Variants in DGKB observed in about 807,000 individuals in gnomAD.
The protein encoded by DGKB is diacylglycerol kinase beta.
A neutral mutation model predicts 114.3 loss-of-function variants in DGKB; 67 were observed. That is an observed-to-expected ratio of 0.59 (90% CI 0.48 to 0.72). DGKB has a LOEUF of 0.72. Ranked by LOEUF, DGKB falls within the 30% of genes least tolerant of loss-of-function variation. The pLI is 0.00. For missense variants in DGKB, 907 were observed against 975.2 expected (o/e 0.93, Z 0.93); for synonymous variants, 398 against 323.1 (o/e 1.23, Z -2.49).
chr7:14,175,738 A>G (rs918487473), intron 25 of DGKB, among the ~76,000 whole-genome samples: 2 of 152,080 alleles, frequency 1.3e-5, no homozygotes, highest in Non-Finnish European at 2.9e-5. Context: ...TTCTCTGTCT[A>G]CCTTTTCTAC....
intron 1 of DGKB, among the ~76,000 whole-genome samples, chr7:14,880,954 T>C (rs1292929373): frequency 2.0e-5 from 3 of 152,184 alleles, no homozygotes; most frequent in African/African-American, 7.2e-5. Context: ...GTCATATGTC[T>C]TTCTATTCAA....
At chr7:14,389,025 C>T (rs1395668119) in intron 21 of DGKB, among the ~76,000 whole-genome samples, 1 of 152,118 alleles carries the variant, frequency 6.6e-6, no homozygotes, top group Non-Finnish European at 1.5e-5. Flanking sequence ...CAGACCTTGC[C>T]AGCTTGAACA....
intron 23 of DGKB, among the ~76,000 whole-genome samples, chr7:14,238,069 G>C (rs1033863834): frequency 6.6e-6 from 1 of 151,972 alleles, no homozygotes; most frequent in Non-Finnish European, 1.5e-5. Flanking sequence ...GTTGGTGAAA[G>C]GAAAATTTCT....
intron 9 of DGKB, among the ~76,000 whole-genome samples, chr7:14,687,031 T>C (rs1821819993): frequency 6.6e-6 from 1 of 152,162 alleles, no homozygotes; most frequent in Admixed American, 6.5e-5. Flanking sequence ...GCTTGTTTCC[T>C]ACACATTATA....
chr7:14,195,492 CAAAT>C (rs752659146), intron 23 of DGKB, among the ~76,000 whole-genome samples: 9 of 152,114 alleles, frequency 5.9e-5, no homozygotes, highest in Non-Finnish European at 1.3e-4. Context: ...AGCAAACAAA[CAAAT>C]ATTCAGATTA....
At chr7:14,529,146 A>G (rs1791139608) in intron 20 of DGKB, among the ~76,000 whole-genome samples, 1 of 152,030 alleles carries the variant, frequency 6.6e-6, no homozygotes, top group Non-Finnish European at 1.5e-5. Context: ...ATATTTACCT[A>G]AAATATTTTA....
chr7:14,657,989 GTTCAA>G (rs1429518899), intron 13 of DGKB, among the ~76,000 whole-genome samples: 1 of 151,884 alleles, frequency 6.6e-6, no homozygotes, highest in African/African-American at 2.4e-5. Context: ...TAATGACTTA[GTTCAA>G]CACATGCTCT....
intron 1 of DGKB, among the ~76,000 whole-genome samples, chr7:14,866,872 C>T (rs946670670): frequency 1.3e-5 from 2 of 152,144 alleles, no homozygotes; most frequent in Non-Finnish European, 2.9e-5. Flanking sequence ...TCCAGTTTCT[C>T]CACATCCTTA....
chr7:14,145,465 C>CTT lies in DGKB; in HGVS notation c.*3664_*3665dup, dbSNP rs67141279. 660 of 146,672 alleles carry CTT rather than the reference C, an allele frequency of 4.5e-3. 4 individuals are homozygous for CTT. The highest frequency in any genetic ancestry group is 5.3e-3 in the Non-Finnish European group (355 of 66,748). The allele number at this position is 146,672 out of a possible 1,614,324, so 9.1% of individuals were successfully genotyped here. The stretch of plus-strand genomic sequence containing the variant: ...TACGTGCCATGAAAAGTACATTTTC[C>CTT]TTTTTTTTTTTGAGACAGAGTCTGG... On this transcript the variant is annotated 3_prime_UTR_variant, in exon 26 of 26. Transcript: ENST00000402815.
chr7:14,773,775 T>C (rs1252834210), intron 2 of DGKB, among the ~76,000 whole-genome samples: 1 of 152,142 alleles, frequency 6.6e-6, no homozygotes, highest in African/African-American at 2.4e-5. Flanking sequence ...GACATGTAGA[T>C]GGGTCATAAA....
chr7:14,226,630 A>T (rs1007561349), intron 23 of DGKB, among the ~76,000 whole-genome samples: 4 of 152,054 alleles, frequency 2.6e-5, no homozygotes, highest in African/African-American at 9.7e-5. Context: ...AAAGATTTTC[A>T]TAATTATCTT....
chr7:14,465,052 T>G (rs991934384), intron 21 of DGKB, among the ~76,000 whole-genome samples: 5 of 152,144 alleles, frequency 3.3e-5, no homozygotes, highest in African/African-American at 7.2e-5. Flanking sequence ...TGGACATGGG[T>G]ATGAGAAGAA....
At chr7:14,820,810 C>G (rs1048095522) in intron 2 of DGKB, among the ~76,000 whole-genome samples, 1 of 152,134 alleles carries the variant, frequency 6.6e-6, no homozygotes, top group Non-Finnish European at 1.5e-5. Flanking sequence ...TGTGTTTTCT[C>G]AGAGACAGAA....
chr7:14,584,749 C>T (rs893592660), intron 17 of DGKB, among the ~76,000 whole-genome samples: 17 of 151,990 alleles, frequency 1.1e-4, no homozygotes, highest in Admixed American at 3.3e-4. Context: ...ACCTCCTCCT[C>T]CTGGGTTCAA....
At chr7:14,248,882 A>G (rs1794830801) in intron 23 of DGKB, among the ~76,000 whole-genome samples, 1 of 152,242 alleles carries the variant, frequency 6.6e-6, no homozygotes, top group South Asian at 2.1e-4. Flanking sequence ...TACCATATTG[A>G]AAACAAGTGT....
At chr7:14,671,229 G>T (rs553923195) in intron 13 of DGKB, among the ~76,000 whole-genome samples, 3 of 152,098 alleles carry the variant, frequency 2.0e-5, no homozygotes, top group Non-Finnish European at 4.4e-5. Context: ...TGTCGACATT[G>T]TGAACCCAGG....
intron 23 of DGKB, among the ~76,000 whole-genome samples, chr7:14,202,455 A>C (rs1363747600): frequency 6.6e-6 from 1 of 151,934 alleles, no homozygotes; most frequent in Non-Finnish European, 1.5e-5. Flanking sequence ...ACTTAGCCAC[A>C]CTGTTGAAAA....
intron 23 of DGKB, among the ~76,000 whole-genome samples, chr7:14,263,791 A>AT (rs1797113843): frequency 6.6e-6 from 1 of 151,932 alleles, no homozygotes; most frequent in South Asian, 2.1e-4. Flanking sequence ...TAGGCAAATC[A>AT]TTTTTTATTG....
Position 14,513,972 on chromosome 7 carries a change from A to G in DGKB, c.1771-35747T>C, listed in dbSNP as rs921882214. 1.3e-5 allele frequency among the ~76,000 whole-genome samples: 2 copies of G among 152,068 alleles called. 1 individual carries two copies. Among genetic ancestry groups the G allele is most frequent in the Non-Finnish European group, 2.9e-5 (2 of 67,926 alleles). On this transcript the variant is annotated intron_variant, in intron 20 of 25. Transcript: ENST00000402815. ...GACATTTCTAGCATTTAATTACCAC[A>G]AAAGCAATCTGATTCTTTTTTAACA...
Sources: gnomAD v4.1 joint callset for allele counts (sites outside exome capture counted in the v4.1 genomes callset) on GRCh38, gnomAD v4.1.1 for gene constraint, MANE v1.5 for transcripts, NCBI Gene and HGNC (gene_info 2026-07-23, HGNC 2026-07-21) for gene names.